WDR7: variants seen among roughly 807,000 people sequenced by gnomAD.
The protein encoded by WDR7 is WD repeat-containing protein 7.
A neutral mutation model predicts 169.4 loss-of-function variants in WDR7; 46 were observed. The ratio of observed to expected loss-of-function variants is 0.27; its 90% CI spans 0.21 to 0.35. The LOEUF is 0.35. Among genes scored for constraint, WDR7 ranks in the 10% least tolerant of loss-of-function variants. WDR7 has a pLI of 1.00. For synonymous variants in WDR7, 612 were observed against 666.8 expected (o/e 0.92, Z 1.27); for missense variants, 1,534 against 1,859.3 (o/e 0.83, Z 3.22).
At chr18:56,705,020 A>G (rs930830008) in intron 12 of WDR7, among the ~76,000 whole-genome samples, 3 of 152,110 alleles carry the variant, frequency 2.0e-5, no homozygotes, top group Non-Finnish European at 4.4e-5. Flanking sequence ...TTTTTTAGAG[A>G]TGAAGTCTTG....
At chr18:56,920,020 T>C (rs1157040470) in intron 21 of WDR7, among the ~76,000 whole-genome samples, 1 of 152,196 alleles carries the variant, frequency 6.6e-6, no homozygotes. Flanking sequence ...GTCTTGCCTT[T>C]TGTTTCACTG....
chr18:56,809,260 C>T (rs1045818601), intron 19 of WDR7, among the ~76,000 whole-genome samples: 12 of 151,984 alleles, frequency 7.9e-5, no homozygotes, highest in Non-Finnish European at 1.6e-4. Flanking sequence ...CTTTACTCTC[C>T]TTATTTCCTT....
chr18:56,700,562 T>TGTC lies in WDR7; in HGVS notation c.1578+4100_1578+4101insGTC, dbSNP rs1296407817. On this transcript the variant is annotated intron_variant, in intron 12 of 27. Transcript: ENST00000254442. ...GAGCCACTGCGCCTGGCCAATATTG[T>TGTC]TTCTTTTTTTTTTTTTTTTTTTTTT... 2.6e-4 allele frequency among the ~76,000 whole-genome samples: 3 copies of TGTC among 11,668 alleles called. 1 individual carries two copies. The East Asian group carries it at 0.06, about 233-fold the overall frequency. 7.7% of individuals were successfully genotyped at this position (11,668 alleles called of 152,430 possible).
intron 1 of WDR7, among the ~76,000 whole-genome samples, chr18:56,658,139 T>C (rs2024819253): frequency 6.6e-6 from 1 of 152,216 alleles, no homozygotes; most frequent in African/African-American, 2.4e-5. Context: ...AATCTCGCTC[T>C]GTCGCCCAGG....
At chr18:56,869,142 T>C (rs2045921015) in intron 20 of WDR7, among the ~76,000 whole-genome samples, 1 of 152,182 alleles carries the variant, frequency 6.6e-6, no homozygotes, top group Non-Finnish European at 1.5e-5. Context: ...ATCAAAATAA[T>C]TGACACACCT....
In WDR7 at chr18:56,776,657, G is replaced by T. The variant is rs909635064; in HGVS notation, c.2849-125G>T. ...ATCATGCCTTTCTGATGAAAACATC[G>T]TTTCAGTTCTACATTCTCTGTTTTG... is the stretch of plus-strand genomic sequence containing the variant. On this transcript the variant is annotated intron_variant, in intron 16 of 27. Transcript: ENST00000254442. 5.4e-6 allele frequency: 4 copies of T among 743,850 alleles called. No individual in the cohort carries two copies. In the East Asian group the frequency reaches 9.9e-5, roughly 18 times the overall value. 46.1% of individuals were successfully genotyped at this position (743,850 alleles called of 1,614,324 possible).
chr18:56,863,275 T>C (rs570845771), intron 20 of WDR7, among the ~76,000 whole-genome samples: 69 of 151,920 alleles, frequency 4.5e-4, no homozygotes, highest in Middle Eastern at 6.8e-3. Flanking sequence ...ATCAATTTTG[T>C]TTTAAATTAA....
intron 2 of WDR7, among the ~76,000 whole-genome samples, chr18:56,673,816 C>A (rs2025186886): frequency 6.6e-6 from 1 of 151,364 alleles, no homozygotes; most frequent in African/African-American, 2.4e-5. Flanking sequence ...GGGAGTGAGA[C>A]CTTGTCTCCA....
At chr18:56,875,097 G>A (rs966640804) in intron 20 of WDR7, among the ~76,000 whole-genome samples, 2 of 152,140 alleles carry the variant, frequency 1.3e-5, no homozygotes, top group African/African-American at 2.4e-5. Flanking sequence ...AATTTAAAGT[G>A]TATACTATAA....
intron 19 of WDR7, among the ~76,000 whole-genome samples, chr18:56,810,211 G>C (rs563442048): frequency 1.3e-5 from 2 of 152,058 alleles, no homozygotes; most frequent in Non-Finnish European, 2.9e-5. Flanking sequence ...AAAGTTAAAA[G>C]CACCTATCAG....
chr18:56,681,480 A>G (rs776128398), intron 4 of WDR7, 89 bp downstream of exon 4: 94 of 846,118 alleles, frequency 1.1e-4, no homozygotes, highest in Non-Finnish European at 1.4e-4. Flanking sequence ...ATATTTTTAT[A>G]TGAAAAATGG....
At chr18:56,932,741 C>G (rs979824520) in intron 22 of WDR7, among the ~76,000 whole-genome samples, 2 of 152,112 alleles carry the variant, frequency 1.3e-5, no homozygotes, top group African/African-American at 2.4e-5. Flanking sequence ...CTTATTCAGT[C>G]CAGGGTGGCC....
chr18:56,804,610 G>A (rs2044736738), intron 19 of WDR7, among the ~76,000 whole-genome samples: 1 of 152,146 alleles, frequency 6.6e-6, no homozygotes, highest in Non-Finnish European at 1.5e-5. Context: ...AAGTCAAAAA[G>A]TGAAATGTAT....
intron 26 of WDR7, among the ~76,000 whole-genome samples, chr18:56,984,239 C>T (rs1787467): frequency 0.18 from 27,592 of 151,936 alleles, 4,343 homozygotes; most frequent in African/African-American, 0.43. Context: ...AATCACCTTT[C>T]TCTTGAGAAA....
chr18:57,015,262 A>T (rs905160807), intron 26 of WDR7, among the ~76,000 whole-genome samples: 1 of 152,232 alleles, frequency 6.6e-6, no homozygotes, highest in Non-Finnish European at 1.5e-5. Flanking sequence ...GGCTTAGTTC[A>T]TCGTGATAAT....
intron 26 of WDR7, among the ~76,000 whole-genome samples, chr18:56,982,345 C>T (rs921014104): frequency 2.0e-5 from 3 of 152,164 alleles, no homozygotes; most frequent in Admixed American, 6.5e-5. Flanking sequence ...GAGCATTATT[C>T]GTTTCACAAC....
Position 56,811,053 on chromosome 18 carries a change from T to C in WDR7, c.3191-4978T>C, listed in dbSNP as rs544889370. 2.0e-5 allele frequency among the ~76,000 whole-genome samples: 3 copies of C among 152,348 alleles called. No individual in the cohort carries two copies. The South Asian group carries it at 6.2e-4, about 32-fold the overall frequency. On this transcript the variant is annotated intron_variant, in intron 19 of 27. Transcript: ENST00000254442. Reference sequence around the variant, plus strand: ...ATGGAATCATAAGGCATGTAATGTTTTGCGACTTCTTTTATTTAGCGTTAA... The same window carrying C: ...ATGGAATCATAAGGCATGTAATGTTCTGCGACTTCTTTTATTTAGCGTTAA...
downstream of WDR7, chr18:57,033,019 T>A (rs960237188): frequency 6.6e-6 from 1 of 151,498 alleles, no homozygotes; most frequent in Non-Finnish European, 1.5e-5. Context: ...TTAGTGAAAA[T>A]GTGTGAATAA....
In WDR7 at chr18:56,696,320, G is replaced by T. The variant is rs1357553761; in HGVS notation, c.1436G>T (p.Arg479Leu). ...CTATATCCTCATCAGGTCTCAGCTC[G>T]GTATGATCAAAGATACCTGATATCT... ...CLLYPHQVSA[R>L]YDQRYLISGG... Residue 479 changes from arginine to leucine, a missense_variant, in exon 12 of 28, where the codon CGG (arginine) becomes CTG (leucine). Physicochemically the swap from Arg to Leu is moderately radical, Grantham distance 102. Transcript: ENST00000254442. 6.2e-7 allele frequency: 1 copy of T among 1,614,046 alleles called. No individual in the cohort carries two copies. The highest frequency in any genetic ancestry group is 8.5e-7 in the Non-Finnish European group (1 of 1,180,020).
Sources: allele counts gnomAD v4.1 joint callset (sites outside exome capture counted in the v4.1 genomes callset), GRCh38; gene constraint gnomAD v4.1.1; transcripts MANE v1.5; gene names NCBI Gene and HGNC (gene_info 2026-07-23, HGNC 2026-07-21).